Variants in SSH2 observed in about 807,000 individuals in gnomAD.
SSH2 encodes slingshot protein phosphatase 2, also known as protein phosphatase Slingshot homolog 2.
A neutral mutation model predicts 135.2 loss-of-function variants in SSH2; 37 were observed. The ratio of observed to expected loss-of-function variants is 0.27; its 90% CI spans 0.21 to 0.36. SSH2 has a LOEUF of 0.36. Among genes scored for constraint, SSH2 ranks in the 10% least tolerant of loss-of-function variants. The pLI, the probability that SSH2 is intolerant of heterozygous loss-of-function variation, is 1.00. For missense variants in SSH2, 1,408 were observed against 1,765.3 expected (o/e 0.80, Z 3.63); for synonymous variants, 628 against 646.2 (o/e 0.97, Z 0.43).
At chr17:29,650,507 A>T in intron 13 of SSH2, 147 bp downstream of exon 13, 1 of 678,122 alleles carries the variant, frequency 1.5e-6, no homozygotes, top group Non-Finnish European at 2.2e-6. Context: ...TCTTTTGCCT[A>T]GGATTAAAAA....
chr17:29,812,237 T>A (rs1487373118), intron 2 of SSH2, among the ~76,000 whole-genome samples: 2 of 151,922 alleles, frequency 1.3e-5, no homozygotes, highest in African/African-American at 4.8e-5. Context: ...AGTATACAAT[T>A]CAATGTTTTT....
intron 3 of SSH2, among the ~76,000 whole-genome samples, chr17:29,775,288 C>CT (rs556652594): frequency 0.011 from 1,539 of 134,148 alleles, 31 homozygotes; most frequent in East Asian, 0.069. Context: ...TCCTTCTTTC[C>CT]TTTTTTTTTT....
chr17:29,634,435 T>C (rs567170745), intron 15 of SSH2, among the ~76,000 whole-genome samples: 1 of 152,228 alleles, frequency 6.6e-6, no homozygotes. Context: ...AGTCTTAGAA[T>C]TGATGCGATA....
At chr17:29,829,293 A>C (rs2042797822) in intron 2 of SSH2, among the ~76,000 whole-genome samples, 1 of 152,352 alleles carries the variant, frequency 6.6e-6, no homozygotes, top group Non-Finnish European at 1.5e-5. Flanking sequence ...TGGATGAAGA[A>C]ATTAAGACAG....
intron 5 of SSH2, among the ~76,000 whole-genome samples, chr17:29,690,669 A>C (rs2038430213): frequency 6.6e-6 from 1 of 152,140 alleles, no homozygotes; most frequent in Admixed American, 6.6e-5. Flanking sequence ...GACACTAGTA[A>C]ACTAAAGAAC....
chr17:29,763,587 A>C (rs2041373314), intron 3 of SSH2, among the ~76,000 whole-genome samples: 1 of 152,106 alleles, frequency 6.6e-6, no homozygotes, highest in Non-Finnish European at 1.5e-5. Context: ...ATTTTATTGA[A>C]GTCAACACTA....
chr17:29,630,905 AG>A lies in SSH2; in HGVS notation c.4288del (p.Arg1431GlyfsTer3). On this transcript the variant is annotated frameshift_variant, in exon 16 of 16. Transcript: ENST00000540801. LOFTEE classifies it high-confidence loss of function. ...GTCATTTGCCTTTTTCAGTCTCCTA[AG>A]GGGGTGAGTTCTGCCGTGTTGCTGA... Reference protein sequence around the residue: ...PRQQHGRTHPLRRLKKANDKK... With the variant: ...PRQQHGRTHPXRRLKKANDKK... 6.2e-7 allele frequency: 1 copy of A among 1,602,478 alleles called. No homozygotes were observed. Among genetic ancestry groups the A allele is most frequent in the Non-Finnish European group, 8.5e-7 (1 of 1,170,908 alleles).
At chr17:29,691,856 C>G (rs1003605185) in intron 5 of SSH2, among the ~76,000 whole-genome samples, 1 of 151,186 alleles carries the variant, frequency 6.6e-6, no homozygotes, top group African/African-American at 2.4e-5. Flanking sequence ...TCAAGACTTT[C>G]AGCCGGGCGC....
chr17:29,871,596 A>C, intron 1 of SSH2, among the ~76,000 whole-genome samples: 1 of 152,008 alleles, frequency 6.6e-6, no homozygotes, highest in East Asian at 1.9e-4. Context: ...TGATTTTTTA[A>C]AATAAATAAG....
At chr17:29,808,962 T>C (rs897637970) in intron 2 of SSH2, among the ~76,000 whole-genome samples, 3 of 152,136 alleles carry the variant, frequency 2.0e-5, no homozygotes, top group Non-Finnish European at 4.4e-5. Flanking sequence ...CAAAAAAAGA[T>C]GTATGAGCAG....
At chr17:29,809,173 G>A (rs2042399694) in intron 2 of SSH2, among the ~76,000 whole-genome samples, 1 of 152,170 alleles carries the variant, frequency 6.6e-6, no homozygotes. Context: ...AGAATCACCT[G>A]AACCCAGGAA....
At chr17:29,884,517 T>C (rs1462748984) in intron 1 of SSH2, among the ~76,000 whole-genome samples, 1 of 152,192 alleles carries the variant, frequency 6.6e-6, no homozygotes, top group African/African-American at 2.4e-5. Context: ...TAGGATATTT[T>C]CATCACTGGT....
chr17:29,697,344 A>G (rs987982001), intron 4 of SSH2, among the ~76,000 whole-genome samples: 1 of 152,208 alleles, frequency 6.6e-6, no homozygotes, highest in Non-Finnish European at 1.5e-5. Context: ...TGAAATCTAC[A>G]TAATTTTCCT....
Position 29,648,226 on chromosome 17 carries a change from CAT to C in SSH2, c.1343_1344del (p.Tyr448CysfsTer33). ...YGWNLDRAYD[Y>X]VKERRTVTKP... Reference sequence around the variant, plus strand: ...TTGGTTACCGTTCGTCTTTCTTTCACATAGTCATAGGCTCGGTCCAGATTCCA... The same window carrying C: ...TTGGTTACCGTTCGTCTTTCTTTCACAGTCATAGGCTCGGTCCAGATTCCA... On this transcript the variant is annotated frameshift_variant, in exon 14 of 16. Transcript: ENST00000540801. LOFTEE classifies it high-confidence loss of function. The C allele has an allele frequency of 1.2e-6, 2 of 1,614,176 alleles. No individual in the cohort carries two copies. Among genetic ancestry groups the C allele is most frequent in the Non-Finnish European group, 8.5e-7 (1 of 1,180,036 alleles).
chr17:29,725,086 G>A (rs2039954591), intron 3 of SSH2, among the ~76,000 whole-genome samples: 1 of 149,914 alleles, frequency 6.7e-6, no homozygotes, highest in African/African-American at 2.5e-5. Context: ...GGTGGCTCAC[G>A]CCTGTAATCC....
At chr17:29,853,473 A>G (rs181968708) in intron 1 of SSH2, among the ~76,000 whole-genome samples, 5 of 151,840 alleles carry the variant, frequency 3.3e-5, no homozygotes, top group African/African-American at 1.2e-4. Context: ...AATTCCCTCA[A>G]TGTTTCTTCT....
intron 11 of SSH2, among the ~76,000 whole-genome samples, chr17:29,664,915 A>C (rs1024134474): frequency 6.6e-6 from 1 of 152,188 alleles, no homozygotes; most frequent in Non-Finnish European, 1.5e-5. Flanking sequence ...TGCATGAAAT[A>C]AAACAGGTTG....
At chr17:29,815,628 C>T (rs1004675479) in intron 2 of SSH2, among the ~76,000 whole-genome samples, 1 of 152,178 alleles carries the variant, frequency 6.6e-6, no homozygotes, top group African/African-American at 2.4e-5. Flanking sequence ...ATCTAACCAA[C>T]GTTTTAAGAG....
At chr17:29,657,577 T>TTTTG (rs1312374642) in intron 11 of SSH2, among the ~76,000 whole-genome samples, 3 of 137,266 alleles carry the variant, frequency 2.2e-5, no homozygotes, top group Non-Finnish European at 4.8e-5. Context: ...CTACTTTGTT[T>TTTTG]TTTTTTTTTT....
Sources: gnomAD v4.1 joint callset for allele counts (sites outside exome capture counted in the v4.1 genomes callset) on GRCh38, gnomAD v4.1.1 for gene constraint, MANE v1.5 for transcripts, NCBI Gene and HGNC (gene_info 2026-07-23, HGNC 2026-07-21) for gene names.